The following PATJ variants were observed in gnomAD, a reference collection of about 807,000 sequenced individuals.
PATJ encodes the protein inaD-like protein.
In PATJ, 190 loss-of-function variants were observed where a neutral mutation model predicts 224.9. That is an observed-to-expected ratio of 0.84 (90% CI 0.75 to 0.95). The LOEUF (loss-of-function observed/expected upper bound fraction) is 0.95. Among genes scored for constraint, PATJ ranks in the 40% least tolerant of loss-of-function variants. The probability of loss-of-function intolerance (pLI) is 0.00; values close to 1 mark genes in which losing one functional copy is unlikely to be tolerated. For synonymous variants in PATJ, 769 were observed against 820.3 expected (o/e 0.94, Z 1.07); for missense variants, 2,121 against 2,270.3 (o/e 0.93, Z 1.34).
At chr1:62,025,652 C>T (rs975337609) in intron 29 of PATJ, among the ~76,000 whole-genome samples, 8 of 152,134 alleles carry the variant, frequency 5.3e-5, no homozygotes, top group African/African-American at 1.9e-4. Context: ...AAAACCCTGT[C>T]CCTACTAAAA....
intron 33 of PATJ, among the ~76,000 whole-genome samples, chr1:62,099,938 G>A (rs1309990145): frequency 6.6e-6 from 1 of 152,132 alleles, no homozygotes; most frequent in Non-Finnish European, 1.5e-5. Flanking sequence ...CTACCTGTTG[G>A]CAGCTTGAAC....
At chr1:62,042,284 C>A (rs1285101456) in intron 30 of PATJ, among the ~76,000 whole-genome samples, 1 of 152,096 alleles carries the variant, frequency 6.6e-6, no homozygotes, top group Non-Finnish European at 1.5e-5. Flanking sequence ...CTTTTTAGTT[C>A]CACTCTGGAC....
chr1:61,890,491 G>T (rs559334974), intron 22 of PATJ, among the ~76,000 whole-genome samples: 29 of 150,746 alleles, frequency 1.9e-4, no homozygotes, highest in South Asian at 1.1e-3. Context: ...TTTTTTATTG[G>T]TTTTTTTTTC....
intron 29 of PATJ, among the ~76,000 whole-genome samples, chr1:62,026,614 A>T (rs991474150): frequency 7.2e-5 from 11 of 152,186 alleles, no homozygotes; most frequent in African/African-American, 2.7e-4. Context: ...TCAGGCACAT[A>T]ACTTCTGCTT....
chr1:62,153,547 C>A, intron 43 of PATJ, 66 bp downstream of exon 43: 1 of 1,039,376 alleles, frequency 9.6e-7, no homozygotes, highest in Non-Finnish European at 1.2e-6. Flanking sequence ...CTTTTAAGTG[C>A]TTTGCTTTGC....
chr1:61,831,622 A>G (rs1186202704), intron 16 of PATJ, among the ~76,000 whole-genome samples: 1 of 152,216 alleles, frequency 6.6e-6, no homozygotes. Flanking sequence ...AATCAAAACT[A>G]CAATGAGATA....
At chr1:62,091,125 G>A (rs1660678644) in intron 33 of PATJ, among the ~76,000 whole-genome samples, 1 of 151,894 alleles carries the variant, frequency 6.6e-6, no homozygotes, top group Non-Finnish European at 1.5e-5. Flanking sequence ...GAGATCCCAG[G>A]CTATGAATGA....
chr1:61,969,946 G>A (rs558097302), intron 27 of PATJ, among the ~76,000 whole-genome samples: 7 of 152,102 alleles, frequency 4.6e-5, no homozygotes, highest in African/African-American at 7.2e-5. Context: ...CGCCCGCCTC[G>A]GCCTCCCAAA....
intron 28 of PATJ, among the ~76,000 whole-genome samples, chr1:61,996,788 G>T (rs1271018158): frequency 1.5e-5 from 2 of 137,110 alleles, no homozygotes; most frequent in African/African-American, 5.7e-5. Flanking sequence ...TATCGCCCAG[G>T]CTGGAGTACA....
chr1:61,878,929 G>A (rs1338550384), intron 21 of PATJ, among the ~76,000 whole-genome samples: 5 of 151,936 alleles, frequency 3.3e-5, no homozygotes, highest in Non-Finnish European at 4.4e-5. Flanking sequence ...GATTACAGGC[G>A]TGTGCCACCA....
At chr1:62,013,027 C>T (rs556052108) in intron 28 of PATJ, among the ~76,000 whole-genome samples, 3 of 152,258 alleles carry the variant, frequency 2.0e-5, no homozygotes, top group Non-Finnish European at 2.9e-5. Flanking sequence ...CATAAACACC[C>T]GTATTGGCAC....
intron 28 of PATJ, among the ~76,000 whole-genome samples, chr1:62,000,363 A>C (rs1309399652): frequency 4.6e-5 from 4 of 87,416 alleles, no homozygotes; most frequent in South Asian, 8.9e-4. Flanking sequence ...CCACCCCACA[A>C]CAGTCCCCAG....
intron 7 of PATJ, among the ~76,000 whole-genome samples, chr1:61,776,141 C>G (rs1269600547): frequency 6.6e-6 from 1 of 152,176 alleles, no homozygotes; most frequent in Non-Finnish European, 1.5e-5. Flanking sequence ...TATTGCTTCA[C>G]CTTATGCAGC....
chr1:61,802,834 C>T (rs1330486598), intron 12 of PATJ, among the ~76,000 whole-genome samples: 1 of 152,046 alleles, frequency 6.6e-6, no homozygotes, highest in Non-Finnish European at 1.5e-5. Context: ...CATTGAGTAA[C>T]AGTTGCACAC....
At chr1:61,985,381 T>C (rs1644695545) in intron 27 of PATJ, among the ~76,000 whole-genome samples, 1 of 152,054 alleles carries the variant, frequency 6.6e-6, no homozygotes, top group Non-Finnish European at 1.5e-5. Context: ...AGTGGGATAT[T>C]GATAAGGGAA....
Position 61,932,635 on chromosome 1 carries a change from C to T in PATJ, c.3670+4806C>T, listed in dbSNP as rs193092822. Reference sequence around the variant, plus strand: ...CTGTAGTGTGCGGGACGCAGGGGCTCACCCCTGTAATCCCAGCACTTTGGG... The same window carrying T: ...CTGTAGTGTGCGGGACGCAGGGGCTTACCCCTGTAATCCCAGCACTTTGGG... On this transcript the variant is annotated intron_variant, in intron 27 of 43. Coordinates refer to ENST00000642238, the MANE Select transcript of PATJ (RefSeq NM_001350145.3). Among the ~76,000 whole-genome samples the T allele has an allele frequency of 4.3e-3, 662 of 152,348 alleles. 4 individuals are homozygous for T. Among genetic ancestry groups the T allele is most frequent in the Non-Finnish European group, 6.9e-3 (467 of 68,026 alleles).
At chr1:62,013,410 C>G in intron 28 of PATJ, 1 of 985,322 alleles carries the variant, frequency 1.0e-6, no homozygotes, top group African/African-American at 1.7e-5. Flanking sequence ...CACTTCCATT[C>G]AGGACTGCAA....
chr1:61,835,285 T>C (rs1659988272), intron 17 of PATJ, among the ~76,000 whole-genome samples: 1 of 152,196 alleles, frequency 6.6e-6, no homozygotes, highest in African/African-American at 2.4e-5. Flanking sequence ...GACTCTTTTT[T>C]TTCCTTCCCC....
At chr1:62,104,347 A>C (rs1254847975) in intron 33 of PATJ, among the ~76,000 whole-genome samples, 1 of 152,116 alleles carries the variant, frequency 6.6e-6, no homozygotes, top group African/African-American at 2.4e-5. Context: ...ATCCCAACCC[A>C]GTATCTTTTT....
Sources: allele counts gnomAD v4.1 joint callset (sites outside exome capture counted in the v4.1 genomes callset), GRCh38; gene constraint gnomAD v4.1.1; transcripts MANE v1.5; gene names NCBI Gene and HGNC (gene_info 2026-07-23, HGNC 2026-07-21).